Variants in CIDEC observed in about 807,000 individuals in gnomAD.
The protein encoded by CIDEC is lipid transferase CIDEC.
In CIDEC, 11 loss-of-function variants were observed where a neutral mutation model predicts 21.9. That is an observed-to-expected ratio of 0.50 (90% CI 0.32 to 0.83). CIDEC has a LOEUF of 0.83. Among genes scored for constraint, CIDEC ranks in the 40% least tolerant of loss-of-function variants. CIDEC has a pLI of 0.04. For missense variants in CIDEC, 302 were observed against 302.3 expected, an observed-to-expected ratio of 1.00 and a Z score of 0.01; for synonymous variants, 127 against 124.9, an observed-to-expected ratio of 1.02 and a Z score of -0.11.
chr3:9,871,761 G>T (rs954429909), intron 4 of CIDEC, among the ~76,000 whole-genome samples: 1 of 151,884 alleles, frequency 6.6e-6, no homozygotes. Context: ...TTCCTGAGTG[G>T]CTGGGATTAC....
chr3:9,879,086 T>G, intron 1 of CIDEC, 32 bp from the exon 2 acceptor site: 1 of 484,262 alleles, frequency 2.1e-6, no homozygotes, highest in South Asian at 3.0e-5. Context: ...TTGTACATAC[T>G]CTCCAATACC....
At chr3:9,875,376 C>CAAAAAAAAAAAAA (rs34070196) in intron 4 of CIDEC, among the ~76,000 whole-genome samples, 2 of 116,906 alleles carry the variant, frequency 1.7e-5, no homozygotes, top group African/African-American at 6.8e-5. Flanking sequence ...GACTCTGTCT[C>CAAAAAAAAAAAAA]AAAAAAAAAA....
chr3:9,866,782 A>G lies in CIDEC; in HGVS notation c.*352T>C, dbSNP rs1575443756. The G allele has an allele frequency of 5.4e-6, 3 of 552,068 alleles. No individual in the cohort carries two copies. Among genetic ancestry groups the G allele is most frequent in the African/African-American group, 1.9e-5 (1 of 53,366 alleles). 34.2% of individuals were successfully genotyped at this position (552,068 alleles called of 1,614,324 possible). ...AGTGCGCTTGCGAATTCACTCAGGA[A>G]TGTTCCGGGATGGGGGCCAGAAGGT... On this transcript the variant is annotated 3_prime_UTR_variant, in exon 7 of 7. Transcript: ENST00000336832.
intron 4 of CIDEC, among the ~76,000 whole-genome samples, chr3:9,876,158 G>A (rs550955445): frequency 1.3e-5 from 2 of 152,332 alleles, no homozygotes; most frequent in African/African-American, 4.8e-5. Context: ...GATTGCAGAT[G>A]AGAGGGTCCC....
At chr3:9,867,798 C>A (rs1052484704) in intron 6 of CIDEC, among the ~76,000 whole-genome samples, 1 of 151,976 alleles carries the variant, frequency 6.6e-6, no homozygotes, top group African/African-American at 2.4e-5. Flanking sequence ...GGCGTGGTGG[C>A]AGACACCTGT....
In CIDEC at chr3:9,878,502, T is replaced by C. The variant is rs1559254094; in HGVS notation, c.-16A>G. 6.2e-7 allele frequency: 1 copy of C among 1,613,800 alleles called. No homozygotes were observed. The highest frequency in any genetic ancestry group is 2.2e-5 in the East Asian group (1 of 44,878). ...CGTATTCCATCCTTGTCAGCTGGACTGCGTTGGACCTGGGAAGGAGGCAGA... is the reference window on the plus strand; with the variant it reads ...CGTATTCCATCCTTGTCAGCTGGACCGCGTTGGACCTGGGAAGGAGGCAGA... On this transcript the variant is annotated 5_prime_UTR_variant, in exon 3 of 7. Coordinates refer to ENST00000336832, the MANE Select transcript of CIDEC (RefSeq NM_001321142.2).
At chr3:9,876,768 A>C (rs899406622) in intron 4 of CIDEC, among the ~76,000 whole-genome samples, 1 of 93,522 alleles carries the variant, frequency 1.1e-5, no homozygotes, top group Non-Finnish European at 2.3e-5. Flanking sequence ...AAAAAAAAAA[A>C]AAAAAAAAAA....
chr3:9,874,789 G>A (rs987760092), intron 4 of CIDEC, among the ~76,000 whole-genome samples: 1 of 151,974 alleles, frequency 6.6e-6, no homozygotes, highest in Admixed American at 6.6e-5. Context: ...GCAGTGCAGT[G>A]GTGCATTCAC....
chr3:9,872,301 G>A, intron 4 of CIDEC, among the ~76,000 whole-genome samples: 1 of 151,856 alleles, frequency 6.6e-6, no homozygotes, highest in East Asian at 1.9e-4. Flanking sequence ...AGTCTCCCAA[G>A]TAGCTGGGAC....
intron 4 of CIDEC, among the ~76,000 whole-genome samples, chr3:9,872,819 C>A (rs1575451450): frequency 6.6e-6 from 1 of 152,052 alleles, no homozygotes; most frequent in East Asian, 1.9e-4. Context: ...GAAACCCCGT[C>A]TCTACTAAAA....
rs1132735 is a variant in CIDEC, at chr3:9,867,026, G to A, written c.*108C>T. On this transcript the variant is annotated 3_prime_UTR_variant, in exon 7 of 7. Coordinates refer to ENST00000336832, the MANE Select transcript of CIDEC (RefSeq NM_001321142.2). ...CAGGGTCCTGCGCGGTGAGGGAGGT[G>A]TGGGGAGGTTCGCGGCTCTACAGCT... 7.8e-5 allele frequency: 95 copies of A among 1,219,958 alleles called. No homozygotes were observed. The highest frequency in any genetic ancestry group is 1.1e-4 in the Non-Finnish European group (91 of 822,376). The allele number at this position is 1,219,958 out of a possible 1,614,324, so 75.6% of individuals were successfully genotyped here.
rs1346172298 is a variant in CIDEC at position 9,867,141 on chromosome 3, A to G, written c.710T>C (p.Leu237Pro). The change falls in exon 7 of 7, where the codon CTG becomes CCG. Residue 237 changes from leucine to proline, a missense_variant. By Grantham distance (98) the Leu-to-Pro change is moderately conservative (BLOSUM62 -3). Transcript: ENST00000336832. ...SSLIPTCLKILQ is the reference protein window; with the variant it reads ...SSLIPTCLKIPQ ...TTCCAAGGACTTGGGCTTTCACTGC[A>G]GTATCTTCAGACAGGTCGGGATAAG... 1.2e-6 allele frequency: 2 copies of G among 1,613,238 alleles called. No individual in the cohort carries two copies.
chr3:9,873,408 G>C (rs2082376924), intron 4 of CIDEC, among the ~76,000 whole-genome samples: 1 of 152,188 alleles, frequency 6.6e-6, no homozygotes, highest in Admixed American at 6.5e-5. Context: ...ACGAGGTCAG[G>C]AGATCGAGAC....
At chr3:9,869,525 C>T (rs2082316560) in intron 6 of CIDEC, among the ~76,000 whole-genome samples, 1 of 152,208 alleles carries the variant, frequency 6.6e-6, no homozygotes, top group Admixed American at 6.5e-5. Flanking sequence ...GCTGGGATTA[C>T]AGGCATGAGC....
At chr3:9,877,739 C>CA (rs1374525226) in intron 3 of CIDEC, 7 of 171,688 alleles carry the variant, frequency 4.1e-5, no homozygotes, top group Non-Finnish European at 8.9e-5. Context: ...CATAAGTCAC[C>CA]AGGGCTTCTG....
rs1467585877 is a variant in CIDEC at position 9,866,843 on chromosome 3, A to G, written c.*291T>C. ...ATGAAAGTACAGCCTGCGAGGCCAG[A>G]TTGCTAAGGGGCAGACTTCATGCCA... is the stretch of plus-strand genomic sequence containing the variant. On this transcript the variant is annotated 3_prime_UTR_variant, in exon 7 of 7. Coordinates refer to ENST00000336832, the MANE Select transcript of CIDEC (RefSeq NM_001321142.2). The G allele has an allele frequency of 8.4e-6, 5 of 596,080 alleles. No homozygotes were observed. The African/African-American group carries it at 9.3e-5, about 11-fold the overall frequency. 36.9% of individuals were successfully genotyped at this position (596,080 alleles called of 1,614,324 possible). A position where few individuals can be genotyped will look rare whatever the true frequency, so the allele number is the denominator to read the frequency against.
rs1559248094 is a variant in CIDEC, at chr3:9,869,938, A to G, written c.498T>C (p.Tyr166=). ...IGCLNVKATF[Y]DTYSLSYDLH... is the part of the protein sequence containing the mutation. Reference sequence around the variant, plus strand: ...GATCATAGGAAAGGGAGTATGTATCATAAAAAGTCGCCTTCACGTTCAGGC... The same window carrying G: ...GATCATAGGAAAGGGAGTATGTATCGTAAAAAGTCGCCTTCACGTTCAGGC... The change falls in exon 6 of 7, where the codon TAT becomes TAC. Residue 166 remains tyrosine (Y), a synonymous_variant. Coordinates refer to ENST00000336832, the MANE Select transcript of CIDEC (RefSeq NM_001321142.2). The G allele has an allele frequency of 4.3e-6, 7 of 1,614,188 alleles. No individual in the cohort carries two copies. Among genetic ancestry groups the G allele is most frequent in the Middle Eastern group, 1.7e-4 (1 of 6,022 alleles).
intron 6 of CIDEC, 141 bp from the exon 7 acceptor site, chr3:9,867,437 T>C: frequency 7.5e-6 from 6 of 801,224 alleles, no homozygotes; most frequent in Non-Finnish European, 8.4e-6. Flanking sequence ...ATGGCCAACA[T>C]GGCGAATCTC....
chr3:9,876,873 G>A (rs567210150), intron 4 of CIDEC, among the ~76,000 whole-genome samples, 193 bp downstream of exon 4: 125 of 151,392 alleles, frequency 8.3e-4, no homozygotes, highest in African/African-American at 2.9e-3. Context: ...GGATGGTAAC[G>A]TACTGCCCCC....
Sources: allele counts gnomAD v4.1 joint callset (sites outside exome capture counted in the v4.1 genomes callset), GRCh38; gene constraint gnomAD v4.1.1; transcripts MANE v1.5; gene names NCBI Gene and HGNC (gene_info 2026-07-23, HGNC 2026-07-21).